COLEC10: variants seen among roughly 807,000 people sequenced by gnomAD.
The protein encoded by COLEC10 is collectin-10.
In COLEC10, 22 loss-of-function variants were observed where a neutral mutation model predicts 28.4. The observed-to-expected ratio is 0.78, with a 90% CI of 0.55 to 1.11. The LOEUF (loss-of-function observed/expected upper bound fraction) is 1.11. COLEC10 is among the 50% of genes least tolerant of loss of function. The pLI, the probability that COLEC10 is intolerant of heterozygous loss-of-function variation, is 0.00. For synonymous variants in COLEC10, 125 were observed against 116.1 expected (o/e 1.08, Z -0.49); for missense variants, 361 against 344.1 (o/e 1.05, Z -0.39).
upstream of COLEC10, among the ~76,000 whole-genome samples, chr8:119,064,478 T>A (rs963234034): frequency 6.6e-6 from 1 of 152,152 alleles, no homozygotes. Context: ...ATTTAAAGAG[T>A]ATCAATTTTC....
the COLEC10 span, chr8:118,976,469 T>C: frequency 6.6e-6 from 1 of 152,142 alleles, no homozygotes; most frequent in African/African-American, 2.4e-5. Flanking sequence ...TTGACTATAG[T>C]TGAGATAAAT....
At chr8:119,009,583 C>G (rs1813867702) in intron 2 of COLEC10, 1 of 150,712 alleles carries the variant, frequency 6.6e-6, no homozygotes, top group Non-Finnish European at 1.5e-5. Context: ...ATAAATCATC[C>G]AGTCTCGGGT....
At chr8:119,089,890 A>G in intron 2 of COLEC10, 139 bp downstream of exon 2, 1 of 659,564 alleles carries the variant, frequency 1.5e-6, no homozygotes, top group Non-Finnish European at 2.7e-6. Context: ...CACATGAATT[A>G]ACTCGCCATC....
intron 2 of COLEC10, among the ~76,000 whole-genome samples, chr8:119,033,499 T>A (rs1262309485): frequency 6.6e-6 from 1 of 152,160 alleles, no homozygotes; most frequent in Non-Finnish European, 1.5e-5. Flanking sequence ...TCTATCCATC[T>A]GACAAAGGGC....
chr8:118,956,893 G>A, the COLEC10 span, among the ~76,000 whole-genome samples: 2 of 152,052 alleles, frequency 1.3e-5, no homozygotes, highest in South Asian at 2.1e-4. Flanking sequence ...AGTCAATGAG[G>A]TGCTTCTATT....
intron 2 of COLEC10, among the ~76,000 whole-genome samples, chr8:119,046,872 A>C (rs73709541): frequency 0.017 from 2,629 of 152,288 alleles, 90 homozygotes; most frequent in African/African-American, 0.06. Context: ...CATGACCCAT[A>C]AACTATCTTC....
the COLEC10 span, among the ~76,000 whole-genome samples, chr8:118,975,251 A>G: frequency 6.6e-6 from 1 of 152,064 alleles, no homozygotes; most frequent in African/African-American, 2.4e-5. Context: ...TGAAATTAGA[A>G]AAGCATCTGT....
upstream of COLEC10, among the ~76,000 whole-genome samples, chr8:118,993,050 AGCTGTAGGATTGCTT>A (rs1423178975): frequency 5.9e-5 from 9 of 152,220 alleles, no homozygotes; most frequent in African/African-American, 1.9e-4. Context: ...TTTAAACAAA[AGCTGTAGGATTGCTT>A]GCTTAAAAGT....
At chr8:119,099,508 C>A (rs1019848735) in intron 3 of COLEC10, among the ~76,000 whole-genome samples, 5 of 151,930 alleles carry the variant, frequency 3.3e-5, no homozygotes, top group African/African-American at 9.7e-5. Flanking sequence ...AATTAAGTAA[C>A]CTGTCCATGT....
intron 2 of COLEC10, among the ~76,000 whole-genome samples, chr8:119,035,924 A>C (rs1374248940): frequency 6.6e-6 from 1 of 152,122 alleles, no homozygotes; most frequent in Non-Finnish European, 1.5e-5. Context: ...TTAAGGTACC[A>C]GTGTTGTTTC....
the COLEC10 span, among the ~76,000 whole-genome samples, chr8:118,968,352 A>G: frequency 1.3e-5 from 2 of 152,002 alleles, no homozygotes; most frequent in Admixed American, 6.6e-5. Flanking sequence ...CCCTAAATGT[A>G]TGGCATATAT....
intron 2 of COLEC10, among the ~76,000 whole-genome samples, chr8:119,033,280 T>C (rs1814325558): frequency 6.6e-6 from 1 of 152,116 alleles, no homozygotes; most frequent in African/African-American, 2.4e-5. Flanking sequence ...AGTGACTGCT[T>C]TGGTCATAAA....
At chr8:119,078,560 A>C (rs1815301498) in intron 1 of COLEC10, among the ~76,000 whole-genome samples, 1 of 152,200 alleles carries the variant, frequency 6.6e-6, no homozygotes, top group African/African-American at 2.4e-5. Context: ...TTTGAGTTAC[A>C]TGTGAACATC....
At chr8:119,009,254 C>T (rs1053243807) in intron 1 of COLEC10, among the ~76,000 whole-genome samples, 1 of 150,890 alleles carries the variant, frequency 6.6e-6, no homozygotes, top group African/African-American at 2.5e-5. Context: ...GTGTTTCCAC[C>T]AACACTTATG....
intron 1 of COLEC10, among the ~76,000 whole-genome samples, chr8:119,076,065 T>A (rs1435651961): frequency 9.5e-6 from 1 of 105,684 alleles, no homozygotes; most frequent in East Asian, 2.4e-4. Context: ...CACGCCCGGC[T>A]AATTTTTTTT....
chr8:118,963,285 C>T, the COLEC10 span, among the ~76,000 whole-genome samples: 1 of 152,208 alleles, frequency 6.6e-6, no homozygotes, highest in Non-Finnish European at 1.5e-5. Context: ...GTAACTTGCT[C>T]AAGTTCACTC....
At chr8:118,952,775 C>T in the COLEC10 span, among the ~76,000 whole-genome samples, 1 of 152,260 alleles carries the variant, frequency 6.6e-6, no homozygotes, top group Admixed American at 6.5e-5. Context: ...TTCCACTAGC[C>T]TCAAGCTATC....
intron 2 of COLEC10, among the ~76,000 whole-genome samples, chr8:119,032,747 A>G (rs1373474483): frequency 6.6e-6 from 1 of 152,112 alleles, no homozygotes; most frequent in Non-Finnish European, 1.5e-5. Flanking sequence ...TAAAAACACA[A>G]AAAAATTAGC....
intron 2 of COLEC10, among the ~76,000 whole-genome samples, chr8:119,056,495 A>C (rs1252034048): frequency 1.3e-5 from 2 of 152,050 alleles, no homozygotes; most frequent in African/African-American, 4.8e-5. Context: ...GAATTGTAGC[A>C]GCCCTTTTGT....
Sources: gnomAD v4.1 joint callset for allele counts (sites outside exome capture counted in the v4.1 genomes callset) on GRCh38, gnomAD v4.1.1 for gene constraint, MANE v1.5 for transcripts, NCBI Gene and HGNC (gene_info 2026-07-23, HGNC 2026-07-21) for gene names.